The following SUZ12 variants were observed in gnomAD, a reference collection of about 807,000 sequenced individuals.
The protein encoded by SUZ12 is polycomb protein SUZ12.
Under a neutral mutation model 87.3 loss-of-function variants are expected in SUZ12, and 17 were observed. The ratio of observed to expected loss-of-function variants is 0.19; its 90% CI spans 0.13 to 0.29. SUZ12 has a LOEUF of 0.29. Ranked by LOEUF, SUZ12 falls within the 10% of genes least tolerant of loss-of-function variation. SUZ12 has a pLI of 1.00. For synonymous variants in SUZ12, 253 were observed against 312.4 expected (o/e 0.81, Z 2.01); for missense variants, 526 against 912.2 (o/e 0.58, Z 5.45).
intron 11 of SUZ12, 25 bp from the exon 12 acceptor site, chr17:31,993,840 G>C (rs747843056): frequency 6.6e-7 from 1 of 1,505,054 alleles, no homozygotes; most frequent in South Asian, 1.2e-5. Flanking sequence ...TTGGAGATTT[G>C]CTTTTTTTTT....
chr17:31,951,409 T>C (rs967666956), intron 4 of SUZ12, among the ~76,000 whole-genome samples: 16 of 152,218 alleles, frequency 1.1e-4, no homozygotes, highest in Non-Finnish European at 2.2e-4. Flanking sequence ...TACAGTTGTC[T>C]TAAGTCACTT....
At position 31,938,017 on chromosome 17, in the gene SUZ12, A is replaced by G. The variant is rs1458036267; in HGVS notation, c.274+497A>G. Among the ~76,000 whole-genome samples the G allele has an allele frequency of 3.3e-5, 5 of 149,834 alleles. No individual in the cohort carries two copies. The South Asian group carries it at 6.4e-4, about 19-fold the overall frequency. On this transcript the variant is annotated intron_variant, in intron 1 of 15. Coordinates refer to ENST00000322652, the MANE Select transcript of SUZ12 (RefSeq NM_015355.4). ...ACTTGGTGCTGCAGGTTCCTATGGC[A>G]CCTTTGGATGCTTAAAACCCTTCAA...
rs1290479211 is a variant in SUZ12, at chr17:31,940,174, C to T, written c.275-112C>T. ...AATATTTAGTGCGATATAAATAGTG[C>T]GTGATTTCCATAGCAGATGATAAGT... On this transcript the variant is annotated intron_variant, in intron 1 of 15. Coordinates refer to ENST00000322652, the MANE Select transcript of SUZ12 (RefSeq NM_015355.4). 119 of 1,360,512 alleles carry T rather than the reference C, an allele frequency of 8.7e-5. 1 individual carries two copies. The highest frequency in any genetic ancestry group is 5.3e-4 in the Middle Eastern group (2 of 3,786). 84.3% of individuals were successfully genotyped at this position (1,360,512 alleles called of 1,614,324 possible). A position where few individuals can be genotyped will look rare whatever the true frequency, so the allele number is the denominator to read the frequency against.
chr17:31,962,184 G>A (rs1339068020), intron 4 of SUZ12, among the ~76,000 whole-genome samples: 2 of 152,054 alleles, frequency 1.3e-5, no homozygotes, highest in Non-Finnish European at 2.9e-5. Context: ...GCCTATAATC[G>A]CAGCACTTGG....
chr17:31,971,491 G>C (rs565381954), intron 5 of SUZ12, among the ~76,000 whole-genome samples: 1 of 143,988 alleles, frequency 6.9e-6, no homozygotes, highest in Middle Eastern at 3.8e-3. Flanking sequence ...GCAATGGTGT[G>C]ATCTCAGCTT....
rs1289768890 is a variant in SUZ12, at chr17:31,937,466, C to T, written c.220C>T (p.Pro74Ser). 35 of 1,540,922 alleles carry T rather than the reference C, an allele frequency of 2.3e-5. No homozygotes were observed. Among genetic ancestry groups the T allele is most frequent in the Admixed American group, 3.9e-5 (2 of 50,682 alleles). ...AGAAVLPVKKPKMEHVQADHE... is the reference protein window; with the variant it reads ...AGAAVLPVKKSKMEHVQADHE... ...GGCTGCGGTGTTACCGGTGAAGAAG[C>T]CGAAAATGGAGCACGTCCAGGCTGA... Residue 74 changes from proline (P) to serine (S), a missense_variant, in exon 1 of 16, where the codon CCG (proline) becomes TCG (serine). Coordinates refer to ENST00000322652, the MANE Select transcript of SUZ12 (RefSeq NM_015355.4).
Position 31,937,446 on chromosome 17 carries a change from C to T in SUZ12, c.200C>T (p.Ala67Val). 2.6e-6 allele frequency: 4 copies of T among 1,540,762 alleles called. No homozygotes were observed. Among genetic ancestry groups the T allele is most frequent in the African/African-American group, 2.8e-5 (2 of 72,434 alleles). The change falls in exon 1 of 16, where the codon GCG (alanine) becomes GTG (valine). Residue 67 changes from alanine to valine, a missense_variant. Physicochemically the swap from Ala to Val is moderately conservative, Grantham distance 64. Around this residue, in one of 9 missense-constraint regions of SUZ12, gnomAD observed 92 missense variants for 109.9 expected, o/e 0.84. Coordinates refer to ENST00000322652, the MANE Select transcript of SUZ12 (RefSeq NM_015355.4). ...TCCGCGGCGGCAGCGGCGGGGGCTG[C>T]GGTGTTACCGGTGAAGAAGCCGAAA... is the stretch of plus-strand genomic sequence containing the variant. ...SSSAAAAAGAAVLPVKKPKME... is the reference protein window; with the variant it reads ...SSSAAAAAGAVVLPVKKPKME...
rs10612022 is a variant in SUZ12, at chr17:31,954,651, CTG to C, written c.455+6969_455+6970del. On this transcript the variant is annotated intron_variant, in intron 4 of 15. Coordinates refer to ENST00000322652, the MANE Select transcript of SUZ12 (RefSeq NM_015355.4). Reference sequence around the variant, plus strand: ...GCTGGGAAAGAAAAGCATAAGAAAACTGTGAGTGTATAAAACAGGAGAACCAG... The same window carrying C: ...GCTGGGAAAGAAAAGCATAAGAAAACTGAGTGTATAAAACAGGAGAACCAG... Among the ~76,000 whole-genome samples, 899 of 152,092 alleles carry C rather than the reference CTG, an allele frequency of 5.9e-3. 6 individuals are homozygous for C. Among genetic ancestry groups the C allele is most frequent in the African/African-American group, 0.021 (861 of 41,480 alleles).
intron 6 of SUZ12, among the ~76,000 whole-genome samples, chr17:31,974,375 A>C (rs1047168364): frequency 6.6e-5 from 10 of 152,144 alleles, no homozygotes; most frequent in Non-Finnish European, 1.2e-4. Context: ...AAAATATAAA[A>C]AATTAGCCAG....
intron 4 of SUZ12, among the ~76,000 whole-genome samples, chr17:31,954,362 A>G (rs1402408596): frequency 3.3e-5 from 5 of 152,156 alleles, no homozygotes; most frequent in African/African-American, 9.7e-5. Context: ...CGCCCAGCCA[A>G]CTTTGTTTTT....
At chr17:31,966,383 C>A in intron 5 of SUZ12, 187 bp downstream of exon 5, 1 of 574,166 alleles carries the variant, frequency 1.7e-6, no homozygotes, top group Non-Finnish European at 3.1e-6. Context: ...GATGGGGGTG[C>A]AGAGTGAAGG....
intron 9 of SUZ12, among the ~76,000 whole-genome samples, chr17:31,985,401 T>C (rs1304929382): frequency 6.6e-6 from 1 of 151,558 alleles, no homozygotes; most frequent in East Asian, 1.9e-4. Flanking sequence ...TTTACAAGAT[T>C]TCCATATTAA....
At chr17:31,954,007 C>T (rs561841169) in intron 4 of SUZ12, among the ~76,000 whole-genome samples, 11 of 151,828 alleles carry the variant, frequency 7.2e-5, no homozygotes, top group African/African-American at 1.7e-4. Flanking sequence ...CCACCGAGCC[C>T]GGCTCATTTT....
At chr17:31,954,335 G>A (rs1386077947) in intron 4 of SUZ12, among the ~76,000 whole-genome samples, 1 of 152,128 alleles carries the variant, frequency 6.6e-6, no homozygotes, top group Non-Finnish European at 1.5e-5. Context: ...CGCTGGGATT[G>A]CAGGCGTGAG....
chr17:31,942,930 A>C (rs1223564837), intron 3 of SUZ12, among the ~76,000 whole-genome samples: 1 of 152,198 alleles, frequency 6.6e-6, no homozygotes, highest in Non-Finnish European at 1.5e-5. Flanking sequence ...TAAAACCATC[A>C]AGTTATCTCG....
intron 5 of SUZ12, among the ~76,000 whole-genome samples, chr17:31,972,401 AT>A (rs1908496365): frequency 6.8e-6 from 1 of 147,728 alleles, no homozygotes; most frequent in African/African-American, 2.4e-5. Context: ...ATATATATAT[AT>A]ATAAATAGAA....
intron 4 of SUZ12, among the ~76,000 whole-genome samples, chr17:31,955,774 G>A (rs1271680284): frequency 8.6e-5 from 13 of 151,826 alleles, no homozygotes; most frequent in Non-Finnish European, 1.6e-4. Context: ...GAGATCCATT[G>A]TCTTGTCATG....
In SUZ12 at chr17:31,994,649, G is replaced by A. The variant is rs1468359813; in HGVS notation, c.1523G>A (p.Arg508His). 1.9e-5 allele frequency: 30 copies of A among 1,613,714 alleles called. No individual in the cohort carries two copies. The highest frequency in any genetic ancestry group is 2.2e-5 in the Non-Finnish European group (26 of 1,179,968). The change falls in exon 13 of 16, where the codon CGC becomes CAC. Residue 508 changes from arginine to histidine, a missense_variant. By Grantham distance (29) the Arg-to-His change is conservative. This residue lies in a region of SUZ12 where 143 missense variants were observed against 321.6 expected (regional missense o/e 0.44). Coordinates refer to ENST00000322652, the MANE Select transcript of SUZ12 (RefSeq NM_015355.4). ...GCAGGAAATCCTCAGGATATTCATC[G>A]CCAACCTGGATTTGCTTTTAGTCGC... The part of the protein sequence containing the change: ...SYAGNPQDIH[R>H]QPGFAFSRNG...
chr17:31,979,429 C>T (rs1256440024), intron 8 of SUZ12, among the ~76,000 whole-genome samples: 1 of 152,156 alleles, frequency 6.6e-6, no homozygotes, highest in Non-Finnish European at 1.5e-5. Context: ...TATAATTTGT[C>T]CTGTCCCCAC....
Sources: allele counts gnomAD v4.1 joint callset (sites outside exome capture counted in the v4.1 genomes callset), GRCh38; gene constraint gnomAD v4.1.1; regional missense constraint gnomAD v4.1.1; transcripts MANE v1.5; gene names NCBI Gene and HGNC (gene_info 2026-07-23, HGNC 2026-07-21).